SRGAP2: variants seen among roughly 807,000 people sequenced by gnomAD.
The protein encoded by SRGAP2 is SLIT-ROBO Rho GTPase-activating protein 2.
SRGAP2 carries 15 observed loss-of-function variants against 57.2 expected under a neutral mutation model. That is an observed-to-expected ratio of 0.26 (90% CI 0.18 to 0.40). The LOEUF (loss-of-function observed/expected upper bound fraction) is 0.40, where lower values mean the gene tolerates loss of function less well. Among genes scored for constraint, SRGAP2 ranks in the 10% least tolerant of loss-of-function variants. SRGAP2 has a pLI of 1.00. For synonymous variants in SRGAP2, 249 were observed against 248.0 expected (o/e 1.00, Z -0.04); for missense variants, 520 against 669.6 (o/e 0.78, Z 2.47).
At chr1:206,420,974 T>C (rs956954789) in intron 12 of SRGAP2, among the ~76,000 whole-genome samples, 5 of 152,162 alleles carry the variant, frequency 3.3e-5, no homozygotes, top group Non-Finnish European at 5.9e-5. Context: ...TTTTGAGTAG[T>C]GGTAGACATT....
intron 21 of SRGAP2, 161 bp from the exon 22 acceptor site, chr1:206,458,462 C>T: frequency 2.8e-6 from 2 of 715,570 alleles, no homozygotes; most frequent in East Asian, 2.7e-5. Context: ...GGAATGAAGA[C>T]ATGGAGAATG....
Position 206,450,461 on chromosome 1 carries a change from T to C in SRGAP2, c.2175T>C (p.Asp725=). 1 of 780,820 alleles carries C rather than the reference T, an allele frequency of 1.3e-6. No individual in the cohort carries two copies. Among genetic ancestry groups the C allele is most frequent in the Non-Finnish European group, 2.4e-6 (1 of 417,968 alleles). 48.4% of individuals were successfully genotyped at this position (780,820 alleles called of 1,614,324 possible). A position where few individuals can be genotyped will look rare whatever the true frequency, so the allele number is the denominator to read the frequency against. ...TGACCGCAGAGCACCACACGAGCGATGACGGTACGAGGCCCTGCTTCCTGG... is the reference window on the plus strand; with the variant it reads ...TGACCGCAGAGCACCACACGAGCGACGACGGTACGAGGCCCTGCTTCCTGG... ...QDVTAEHHTS[D]DECEPIEAIA... The change falls in exon 19 of 23, where the codon GAT becomes GAC. Residue 725 remains aspartate (D), a synonymous_variant. Transcript: ENST00000573034.
At chr1:206,336,003 C>T (rs1674747393) in intron 3 of SRGAP2, among the ~76,000 whole-genome samples, 1 of 152,104 alleles carries the variant, frequency 6.6e-6, no homozygotes, top group Non-Finnish European at 1.5e-5. Context: ...AAATCGTAAG[C>T]ACTTAATAGA....
At chr1:206,430,108 C>T (rs1661162957) in intron 13 of SRGAP2, 54 bp from the exon 14 acceptor site, 9 of 779,712 alleles carry the variant, frequency 1.2e-5, no homozygotes, top group Admixed American at 6.8e-5. Flanking sequence ...TTCTCTGACC[C>T]TGGGCTATCC....
chr1:206,283,747 T>A (rs1206859314), intron 2 of SRGAP2, among the ~76,000 whole-genome samples: 3 of 147,882 alleles, frequency 2.0e-5, no homozygotes, highest in Admixed American at 2.0e-4. Flanking sequence ...TAAAAAATAA[T>A]GTCATTACTT....
chr1:206,355,312 G>A (rs1265766030), intron 4 of SRGAP2, among the ~76,000 whole-genome samples: 2 of 152,094 alleles, frequency 1.3e-5, no homozygotes, highest in African/African-American at 2.4e-5. Flanking sequence ...CATATTTCCT[G>A]TAAATTGGAA....
intron 2 of SRGAP2, among the ~76,000 whole-genome samples, chr1:206,231,475 G>C: frequency 6.6e-6 from 1 of 151,940 alleles, no homozygotes; most frequent in Non-Finnish European, 1.5e-5. Flanking sequence ...AGCACCTCCA[G>C]TTGGACCTAC....
In SRGAP2 at chr1:206,238,602, G is replaced by A. The variant is rs1176042588; in HGVS notation, c.67+32565G>A. Among the ~76,000 whole-genome samples, 393 of 87,654 alleles carry A rather than the reference G, an allele frequency of 4.5e-3. 7 individuals are homozygous for A. Among genetic ancestry groups the A allele is most frequent in the African/African-American group, 0.017 (363 of 21,326 alleles). The allele number at this position is 87,654 out of a possible 152,430, so 57.5% of individuals were successfully genotyped here. Reference sequence around the variant, plus strand: ...TTCAAGGTTGAGGGCCCTTCTAGGCGAGGTGAAAGGAACCCTTAAATCTAG... The same window carrying A: ...TTCAAGGTTGAGGGCCCTTCTAGGCAAGGTGAAAGGAACCCTTAAATCTAG... On this transcript the variant is annotated intron_variant, in intron 2 of 22. Coordinates refer to ENST00000573034, the MANE Select transcript of SRGAP2 (RefSeq NM_015326.5).
At chr1:206,270,477 C>G (rs1404750277) in intron 2 of SRGAP2, among the ~76,000 whole-genome samples, 2 of 108,172 alleles carry the variant, frequency 1.8e-5, no homozygotes, top group East Asian at 5.7e-4. Context: ...AATGTATATA[C>G]CCTTTGACTT....
chr1:206,357,582 C>CTTTTT (rs781912077), intron 4 of SRGAP2, among the ~76,000 whole-genome samples: 2 of 78,050 alleles, frequency 2.6e-5, no homozygotes, highest in African/African-American at 5.5e-5. Context: ...GCTATGTTGT[C>CTTTTT]TTTTTTTTTT....
At chr1:206,240,659 G>A (rs1668165099) in intron 2 of SRGAP2, among the ~76,000 whole-genome samples, 1 of 151,948 alleles carries the variant, frequency 6.6e-6, no homozygotes, top group African/African-American at 2.4e-5. Flanking sequence ...AACAAACATA[G>A]CAACTATCCC....
intron 2 of SRGAP2, among the ~76,000 whole-genome samples, chr1:206,248,940 A>C (rs1668665654): frequency 1.3e-5 from 2 of 151,288 alleles, no homozygotes; most frequent in Admixed American, 1.3e-4. Context: ...AGCTAGAACA[A>C]TCCTTTTACA....
chr1:206,433,177 T>C (rs1661419785), intron 14 of SRGAP2, among the ~76,000 whole-genome samples: 2 of 152,148 alleles, frequency 1.3e-5, no homozygotes, highest in Non-Finnish European at 1.5e-5. Context: ...CAAAAAGAAA[T>C]GCAGGAAGGA....
At chr1:206,301,286 C>T (rs1386677224) in intron 2 of SRGAP2, among the ~76,000 whole-genome samples, 3 of 152,160 alleles carry the variant, frequency 2.0e-5, no homozygotes, top group African/African-American at 4.8e-5. Flanking sequence ...CCGCCCGCCT[C>T]GGCCTCCCAA....
chr1:206,251,660 G>C, intron 2 of SRGAP2, among the ~76,000 whole-genome samples: 2 of 148,652 alleles, frequency 1.3e-5, no homozygotes, highest in Middle Eastern at 7.0e-3. Flanking sequence ...GAGTAGCTGA[G>C]TTCAAACAAC....
intron 3 of SRGAP2, among the ~76,000 whole-genome samples, chr1:206,305,802 A>T (rs1397500036): frequency 6.6e-6 from 1 of 151,728 alleles, no homozygotes; most frequent in Non-Finnish European, 1.5e-5. Flanking sequence ...GCTCTGTGCA[A>T]TGAAGATGGG....
At chr1:206,239,613 A>G (rs1405063576) in intron 2 of SRGAP2, among the ~76,000 whole-genome samples, 4 of 148,590 alleles carry the variant, frequency 2.7e-5, no homozygotes, top group African/African-American at 1.0e-4. Flanking sequence ...ATGCGCCACC[A>G]TGCCCGGCTG....
chr1:206,285,966 C>T (rs1245592600), intron 2 of SRGAP2, among the ~76,000 whole-genome samples: 3 of 152,160 alleles, frequency 2.0e-5, no homozygotes, highest in Non-Finnish European at 4.4e-5. Flanking sequence ...ACACCTGGCC[C>T]ATCACACTTT....
At chr1:206,453,040 T>G (rs143522820) in intron 19 of SRGAP2, among the ~76,000 whole-genome samples, 160 bp from the exon 20 acceptor site, 2 of 152,290 alleles carry the variant, frequency 1.3e-5, no homozygotes, top group African/African-American at 4.8e-5. Flanking sequence ...AATGGTATAG[T>G]CTGCGTGAGA....
Sources: gnomAD v4.1 joint callset for allele counts (sites outside exome capture counted in the v4.1 genomes callset) on GRCh38, gnomAD v4.1.1 for gene constraint, MANE v1.5 for transcripts, NCBI Gene and HGNC (gene_info 2026-07-23, HGNC 2026-07-21) for gene names.